Variants in ASTN1 observed in about 807,000 individuals in gnomAD.
The protein encoded by ASTN1 is astrotactin 1.
A neutral mutation model predicts 140.7 loss-of-function variants in ASTN1; 41 were observed. The observed-to-expected ratio is 0.29, with a 90% CI of 0.23 to 0.38. The LOEUF is 0.38. ASTN1 is among the 10% of genes least tolerant of loss of function. The pLI is 1.00. For synonymous variants in ASTN1, 640 were observed against 652.2 expected (o/e 0.98, Z 0.29); for missense variants, 1,479 against 1,678.8 (o/e 0.88, Z 2.08).
chr1:177,149,876 A>AGT (rs1343679423), intron 1 of ASTN1, among the ~76,000 whole-genome samples: 3 of 142,044 alleles, frequency 2.1e-5, no homozygotes, highest in Non-Finnish European at 4.5e-5. Flanking sequence ...ATATATATAC[A>AGT]GTGTATATAT....
At chr1:177,083,234 G>A (rs1475690006) in intron 1 of ASTN1, among the ~76,000 whole-genome samples, 1 of 152,036 alleles carries the variant, frequency 6.6e-6, no homozygotes, top group Non-Finnish European at 1.5e-5. Flanking sequence ...CTCATTATGT[G>A]AGTCTAGGGC....
At chr1:176,925,122 A>G (rs1670899572) in intron 16 of ASTN1, among the ~76,000 whole-genome samples, 1 of 152,220 alleles carries the variant, frequency 6.6e-6, no homozygotes, top group Non-Finnish European at 1.5e-5. Context: ...TTCTGCACAC[A>G]AGCCTAGTGA....
chr1:176,919,735 G>A (rs898926017), intron 16 of ASTN1, among the ~76,000 whole-genome samples: 5 of 152,170 alleles, frequency 3.3e-5, no homozygotes, highest in African/African-American at 1.2e-4. Flanking sequence ...CACAGTAATC[G>A]ACTAGGTTTA....
chr1:177,143,851 GT>G (rs1682581927), intron 1 of ASTN1, among the ~76,000 whole-genome samples: 2 of 152,048 alleles, frequency 1.3e-5, no homozygotes, highest in African/African-American at 4.8e-5. Flanking sequence ...TAATTTCTTA[GT>G]TTTCATCATC....
At chr1:176,992,713 G>A (rs964799227) in intron 8 of ASTN1, among the ~76,000 whole-genome samples, 1 of 152,114 alleles carries the variant, frequency 6.6e-6, no homozygotes, top group Non-Finnish European at 1.5e-5. Flanking sequence ...AGACTCAAAA[G>A]GGCAAGAAAA....
At chr1:177,041,039 G>A (rs1389155852) in intron 2 of ASTN1, among the ~76,000 whole-genome samples, 1 of 152,196 alleles carries the variant, frequency 6.6e-6, no homozygotes, top group Middle Eastern at 3.2e-3. Context: ...CTCATCATTA[G>A]TAGCTACAGT....
In ASTN1 at chr1:176,917,346, C is replaced by T. The variant is rs370944707; in HGVS notation, c.2671+16806G>A. ...GAACGCTTCCCAGGGTGGGGTGGCA[C>T]GGTGAGAACTGGGCAGAGTAAGGAT... On this transcript the variant is annotated intron_variant, in intron 16 of 22. Coordinates refer to ENST00000361833, the MANE Select transcript of ASTN1 (RefSeq NM_004319.3). Among the ~76,000 whole-genome samples, 16 of 152,236 alleles carry T rather than the reference C, an allele frequency of 1.1e-4. No homozygotes were observed. In the South Asian group the frequency reaches 2.1e-3, roughly 20 times the overall value.
chr1:177,139,564 G>A (rs979107081), intron 1 of ASTN1, among the ~76,000 whole-genome samples: 1 of 152,172 alleles, frequency 6.6e-6, no homozygotes, highest in African/African-American at 2.4e-5. Context: ...AGTCATTGTG[G>A]AAATGCTTGA....
intron 1 of ASTN1, among the ~76,000 whole-genome samples, chr1:177,123,292 CA>C (rs1012559804): frequency 6.6e-6 from 1 of 152,058 alleles, no homozygotes; most frequent in Non-Finnish European, 1.5e-5. Context: ...CAAATTTGCA[CA>C]AAAAATGTTA....
Position 176,917,278 on chromosome 1 carries a change from GCCTGGCACT to G in ASTN1, c.2671+16865_2671+16873del, listed in dbSNP as rs1418746575. 3.4e-4 allele frequency among the ~76,000 whole-genome samples: 52 copies of G among 152,312 alleles called. No individual in the cohort carries two copies. In the Middle Eastern group the frequency reaches 0.01, roughly 30 times the overall value. On this transcript the variant is annotated intron_variant, in intron 16 of 22. Coordinates refer to ENST00000361833, the MANE Select transcript of ASTN1 (RefSeq NM_004319.3). ...ATGTATTCCTAATGCTTTCCATAGGGCCTGGCACTCAATCACACGTAGCTGTAGGTATGT... is the reference window on the plus strand; with the variant it reads ...ATGTATTCCTAATGCTTTCCATAGGGCAATCACACGTAGCTGTAGGTATGT...
intron 22 of ASTN1, among the ~76,000 whole-genome samples, chr1:176,865,578 G>A (rs1384849750): frequency 1.3e-5 from 2 of 152,196 alleles, no homozygotes; most frequent in Non-Finnish European, 2.9e-5. Context: ...TTTGAACAAG[G>A]TCTTGTGACT....
intron 20 of ASTN1, among the ~76,000 whole-genome samples, chr1:176,881,786 T>G (rs1300694094): frequency 6.6e-6 from 1 of 152,236 alleles, no homozygotes; most frequent in Non-Finnish European, 1.5e-5. Context: ...CCCTTTTTCC[T>G]ATATTGAAGA....
At chr1:176,923,716 C>T in intron 16 of ASTN1, among the ~76,000 whole-genome samples, 1 of 152,018 alleles carries the variant, frequency 6.6e-6, no homozygotes, top group East Asian at 1.9e-4. Flanking sequence ...ATGTAGGGTT[C>T]AGTACTATTC....
At chr1:176,962,353 G>C (rs1672700272) in intron 9 of ASTN1, among the ~76,000 whole-genome samples, 1 of 152,170 alleles carries the variant, frequency 6.6e-6, no homozygotes, top group African/African-American at 2.4e-5. Context: ...AGATTATCAA[G>C]GTTAGGTTGA....
chr1:176,926,483 G>A (rs1010773515), intron 16 of ASTN1, among the ~76,000 whole-genome samples: 1 of 152,152 alleles, frequency 6.6e-6, no homozygotes, highest in Non-Finnish European at 1.5e-5. Flanking sequence ...TGACACCAGT[G>A]GGCTTCGCTG....
chr1:177,112,104 G>A (rs1680849433), intron 1 of ASTN1, among the ~76,000 whole-genome samples: 1 of 152,144 alleles, frequency 6.6e-6, no homozygotes, highest in African/African-American at 2.4e-5. Flanking sequence ...TCCTCTATAT[G>A]TGCAATCTGG....
intron 8 of ASTN1, among the ~76,000 whole-genome samples, chr1:177,013,975 G>A (rs1675418067): frequency 6.6e-6 from 1 of 151,826 alleles, no homozygotes; most frequent in South Asian, 2.1e-4. Context: ...GAGGCCAGGA[G>A]TTGGATGTTA....
chr1:176,972,966 C>T (rs529096285), intron 8 of ASTN1, among the ~76,000 whole-genome samples: 1 of 152,126 alleles, frequency 6.6e-6, no homozygotes, highest in Non-Finnish European at 1.5e-5. Flanking sequence ...CTATACTGCT[C>T]TGCCCCCATC....
chr1:176,950,786 G>A (rs1339013432), intron 11 of ASTN1, among the ~76,000 whole-genome samples: 1 of 152,034 alleles, frequency 6.6e-6, no homozygotes, highest in Non-Finnish European at 1.5e-5. Flanking sequence ...TGACTATGCT[G>A]TATACATATC....
Sources: allele counts gnomAD v4.1 joint callset (sites outside exome capture counted in the v4.1 genomes callset), GRCh38; gene constraint gnomAD v4.1.1; transcripts MANE v1.5; gene names NCBI Gene and HGNC (gene_info 2026-07-23, HGNC 2026-07-21).